The following SPATA31H1 variants were observed in gnomAD, a reference collection of about 807,000 sequenced individuals.
SPATA31H1 encodes the protein SPATA31 subfamily H member 1, also known as spermatogenesis-associated protein 31H1.
chr2:27,556,134 CAAAAAAAAA>C, the SPATA31H1 span, among the ~76,000 whole-genome samples: 1 of 92,910 alleles, frequency 1.1e-5, no homozygotes, highest in African/African-American at 4.1e-5. Flanking sequence ...GACTCCATCT[CAAAAAAAAA>C]AAAAAAAAAA....
the SPATA31H1 span, among the ~76,000 whole-genome samples, chr2:27,548,258 C>T: frequency 6.6e-5 from 10 of 151,662 alleles, no homozygotes; most frequent in South Asian, 4.2e-4. Flanking sequence ...TGTGAGCCAC[C>T]GCGCCCGGAC....
chr2:27,550,270 T>C, the SPATA31H1 span, among the ~76,000 whole-genome samples: 21 of 151,670 alleles, frequency 1.4e-4, no homozygotes, highest in Admixed American at 1.4e-3. Flanking sequence ...TCATCATTTA[T>C]GTGTAATGTT....
At chr2:27,571,014 C>T in the SPATA31H1 span, 1 of 398,540 alleles carries the variant, frequency 2.5e-6, no homozygotes, top group African/African-American at 2.1e-5. Flanking sequence ...AAACGTAAAT[C>T]CTGTGGAGTG....
At chr2:27,537,490 GT>G in the SPATA31H1 span, 1 of 717,166 alleles carries the variant, frequency 1.4e-6, no homozygotes, top group Non-Finnish European at 2.6e-6. Flanking sequence ...ATTATTGTTT[GT>G]TTTTTTTATT....
the SPATA31H1 span, among the ~76,000 whole-genome samples, chr2:27,541,340 C>T: frequency 1.3e-5 from 2 of 151,264 alleles, no homozygotes; most frequent in African/African-American, 2.4e-5. Flanking sequence ...GCCGAGATGG[C>T]AGCAGTACCG....
chr2:27,576,744 C>G, the SPATA31H1 span: 2 of 1,614,034 alleles, frequency 1.2e-6, no homozygotes, highest in African/African-American at 2.7e-5. Flanking sequence ...ATCACAGCAA[C>G]AGGATGTGAA....
chr2:27,570,156 C>T, the SPATA31H1 span: 1 of 398,884 alleles, frequency 2.5e-6, no homozygotes, highest in Non-Finnish European at 4.4e-6. Context: ...AGGTTTCAAA[C>T]ATATGCAGTT....
the SPATA31H1 span, among the ~76,000 whole-genome samples, chr2:27,563,269 C>G: frequency 2.0e-5 from 3 of 147,536 alleles, no homozygotes; most frequent in Non-Finnish European, 4.5e-5. Context: ...TGGTCTATTT[C>G]TTTTTGGCCA....
chr2:27,581,819 A>T, the SPATA31H1 span: 3 of 1,586,066 alleles, frequency 1.9e-6, no homozygotes. Flanking sequence ...CTGAGAGAAG[A>T]CATCACAGTC....
chr2:27,550,924 C>G, the SPATA31H1 span, among the ~76,000 whole-genome samples: 2 of 151,496 alleles, frequency 1.3e-5, no homozygotes, highest in Admixed American at 6.6e-5. Context: ...GAGTCTCACT[C>G]TGTCACCCAG....
chr2:27,538,965 T>C, the SPATA31H1 span, among the ~76,000 whole-genome samples: 2 of 152,084 alleles, frequency 1.3e-5, no homozygotes, highest in African/African-American at 2.4e-5. Context: ...CTATCAGGGA[T>C]GTGAAAGTGG....
the SPATA31H1 span, among the ~76,000 whole-genome samples, chr2:27,546,381 G>T: frequency 5.9e-5 from 9 of 151,666 alleles, no homozygotes; most frequent in African/African-American, 2.2e-4. Flanking sequence ...TATGGTGTGA[G>T]GTAGGGGTCA....
the SPATA31H1 span, chr2:27,581,801 C>G: frequency 6.2e-7 from 1 of 1,611,080 alleles, no homozygotes. Context: ...GAAGCCATCA[C>G]AGTCCCTCTG....
chr2:27,578,082 A>G, the SPATA31H1 span: 2 of 1,614,178 alleles, frequency 1.2e-6, no homozygotes, highest in Non-Finnish European at 1.7e-6. Context: ...GGTAATCCTC[A>G]TAGATGTCCC....
the SPATA31H1 span, chr2:27,579,994 G>A: frequency 2.5e-6 from 4 of 1,614,100 alleles, no homozygotes; most frequent in Admixed American, 6.7e-5. Context: ...ACCACTTCGG[G>A]GCCTTATCTT....
chr2:27,565,545 T>C, the SPATA31H1 span: 3 of 646,456 alleles, frequency 4.6e-6, no homozygotes, highest in Non-Finnish European at 5.6e-6. Flanking sequence ...TGTCTAAAGA[T>C]ATGTATGTAT....
At chr2:27,571,986 C>T in the SPATA31H1 span, 1 of 398,404 alleles carries the variant, frequency 2.5e-6, no homozygotes, top group East Asian at 3.6e-5. Flanking sequence ...ACAAGAGCAG[C>T]AATGTGTGAA....
chr2:27,550,569 C>T, the SPATA31H1 span, among the ~76,000 whole-genome samples: 1 of 151,586 alleles, frequency 6.6e-6, no homozygotes, highest in Non-Finnish European at 1.5e-5. Context: ...CAGGCAAGTG[C>T]CACCAGGCCT....
At chr2:27,543,098 AAAAC>A in the SPATA31H1 span, among the ~76,000 whole-genome samples, 9 of 151,978 alleles carry the variant, frequency 5.9e-5, no homozygotes, top group Non-Finnish European at 7.3e-5. Flanking sequence ...ATGCTGTCTG[AAAAC>A]AAACAAACAT....
Sources: allele counts gnomAD v4.1 joint callset (sites outside exome capture counted in the v4.1 genomes callset), GRCh38; gene constraint gnomAD v4.1.1; transcripts MANE v1.5; gene names NCBI Gene and HGNC (gene_info 2026-07-23, HGNC 2026-07-21).